Variants in NXF1 observed in about 807,000 individuals in gnomAD.
NXF1 encodes the protein nuclear RNA export factor 1.
A neutral mutation model predicts 92.4 loss-of-function variants in NXF1; 43 were observed. The observed-to-expected ratio is 0.47, with a 90% CI of 0.36 to 0.60. The LOEUF is 0.60. NXF1 is among the 20% of genes least tolerant of loss of function. The pLI is 0.00. For synonymous variants in NXF1, 288 were observed against 292.2 expected (o/e 0.99, Z 0.15); for missense variants, 576 against 793.0 (o/e 0.73, Z 3.29).
In NXF1 at chr11:62,796,686, C is replaced by G. The variant is rs917362843; in HGVS notation, c.1179-119G>C. 45 of 680,988 alleles carry G rather than the reference C, an allele frequency of 6.6e-5. No homozygotes were observed. In the Admixed American group the frequency reaches 1.1e-3, roughly 16 times the overall value. 42.2% of individuals were successfully genotyped at this position (680,988 alleles called of 1,614,324 possible). On this transcript the variant is annotated intron_variant, in intron 13 of 20. Transcript: ENST00000294172. ...GAAGCTCATGCCTGTAATCCCAGCA[C>G]TTTGGGAGGCTGAGATGGGTGAATA...
chr11:62,801,076 C>G lies in NXF1; in HGVS notation c.906+18G>C, dbSNP rs149622184. 7.7e-4 allele frequency: 1,227 copies of G among 1,586,206 alleles called. 8 individuals carry two copies. In the African/African-American group the frequency reaches 0.014, roughly 18 times the overall value. ...CTACCCACCCCTTCAAAAATATAGCCGAGCTATCAATTCTCACTTCATTTC... is the reference window on the plus strand; with the variant it reads ...CTACCCACCCCTTCAAAAATATAGCGGAGCTATCAATTCTCACTTCATTTC... On this transcript the variant is annotated intron_variant, in intron 9 of 20. Transcript: ENST00000294172.
At chr11:62,794,148 G>C (rs933704796) in intron 19 of NXF1, 110 bp downstream of exon 19, 2 of 953,148 alleles carry the variant, frequency 2.1e-6, no homozygotes, top group Non-Finnish European at 3.1e-6. Flanking sequence ...CTGGATGACA[G>C]CGCAAGAACT....
intron 3 of NXF1, among the ~76,000 whole-genome samples, chr11:62,802,507 G>A (rs2084490167): frequency 6.6e-6 from 1 of 152,196 alleles, no homozygotes; most frequent in South Asian, 2.1e-4. Flanking sequence ...TGCGATCATA[G>A]CTCACTGCAG....
At chr11:62,797,131 C>T in intron 13 of NXF1, 52 bp downstream of exon 13, 1 of 1,515,982 alleles carries the variant, frequency 6.6e-7, no homozygotes, top group South Asian at 1.1e-5. Context: ...TGGGTCTGCC[C>T]ACCATTCCCC....
At chr11:62,800,610 T>A in intron 9 of NXF1, 124 bp from the exon 10 acceptor site, 1 of 605,242 alleles carries the variant, frequency 1.7e-6, no homozygotes, top group African/African-American at 1.9e-5. Flanking sequence ...TTTTTCTTTT[T>A]TTTTTTTTTT....
intron 6 of NXF1, 31 bp downstream of exon 6, chr11:62,801,708 G>C: frequency 6.2e-7 from 1 of 1,610,492 alleles, no homozygotes; most frequent in Non-Finnish European, 8.5e-7. Context: ...GTAAGACTGG[G>C]TTGGAAACAT....
At chr11:62,803,151 T>C (rs527364697) in intron 3 of NXF1, among the ~76,000 whole-genome samples, 2 of 152,110 alleles carry the variant, frequency 1.3e-5, no homozygotes, top group South Asian at 4.1e-4. Flanking sequence ...AAACCCCGTC[T>C]CTACTAAAAA....
At position 62,792,283 on chromosome 11, in the gene NXF1, C is replaced by G. The variant is rs2084372370; in HGVS notation, c.*193G>C. 1 of 755,172 alleles carries G rather than the reference C, an allele frequency of 1.3e-6. No homozygotes were observed. Among genetic ancestry groups the G allele is most frequent in the African/African-American group, 1.7e-5 (1 of 57,632 alleles). 46.8% of individuals were successfully genotyped at this position (755,172 alleles called of 1,614,324 possible). ...GTTCTACAAAGTAAGCTTTGGCTTC[C>G]TGGCACCAGTGAGGCTCAATCTTCT... On this transcript the variant is annotated 3_prime_UTR_variant, in exon 21 of 21. Coordinates refer to ENST00000294172, the MANE Select transcript of NXF1 (RefSeq NM_006362.5).
At chr11:62,804,929 T>C (rs1035589815) in intron 1 of NXF1, among the ~76,000 whole-genome samples, 1 of 152,188 alleles carries the variant, frequency 6.6e-6, no homozygotes, top group Non-Finnish European at 1.5e-5. Flanking sequence ...GTCTCGAATA[T>C]TAAGCCAAAG....
At position 62,797,260 on chromosome 11, in the gene NXF1, G is replaced by A. The variant is rs747569578; in HGVS notation, c.1123-22C>T. The A allele has an allele frequency of 3.1e-6, 5 of 1,613,998 alleles. No homozygotes were observed. The Admixed American group carries it at 5.0e-5, about 16-fold the overall frequency. On this transcript the variant is annotated intron_variant, in intron 12 of 20. Transcript: ENST00000294172. ...TTCCCTGAAATCAAACAGGTATTAG[G>A]AACATGGAAGCAGTATTCTCTCCAC...
At chr11:62,800,356 G>A (rs2084465666) in intron 10 of NXF1, 21 bp downstream of exon 10, 4 of 1,613,950 alleles carry the variant, frequency 2.5e-6, no homozygotes, top group Non-Finnish European at 3.4e-6. Flanking sequence ...CCCAGGAGGG[G>A]AGACACAGGC....
At chr11:62,798,964 C>T (rs1054284924) in intron 10 of NXF1, 1 of 1,036,416 alleles carries the variant, frequency 9.6e-7, no homozygotes. Flanking sequence ...TCCATCAGTT[C>T]TGCCAGGTCT....
At chr11:62,797,409 G>A in intron 11 of NXF1, 23 bp from the exon 12 acceptor site, 10 of 1,608,106 alleles carry the variant, frequency 6.2e-6, no homozygotes, top group Non-Finnish European at 8.5e-6. Context: ...AGTAAAAGTT[G>A]ACAGTGTAGA....
In NXF1 at chr11:62,796,058, G is replaced by A. The variant is rs369295052; in HGVS notation, c.1461+8C>T. On this transcript the variant is annotated splice_region_variant and intron_variant, in intron 16 of 20. Transcript: ENST00000294172. ...CTAGGCTTCTGTCAGGCGCAAGCAG[G>A]AGCTTACTGTCTGGGCGCTTATGTC... The A allele has an allele frequency of 6.2e-7, 1 of 1,613,346 alleles. No homozygotes were observed. The highest frequency in any genetic ancestry group is 8.5e-7 in the Non-Finnish European group (1 of 1,179,774).
In NXF1 at chr11:62,792,517, G is replaced by T. The variant is rs879150577; in HGVS notation, c.1822-3C>A. 1 of 1,614,064 alleles carries T rather than the reference G, an allele frequency of 6.2e-7. No homozygotes were observed. The highest frequency in any genetic ancestry group is 1.3e-5 in the African/African-American group (1 of 74,916). On this transcript the variant is annotated splice_region_variant and splice_polypyrimidine_tract_variant and intron_variant, in intron 20 of 20. Coordinates refer to ENST00000294172, the MANE Select transcript of NXF1 (RefSeq NM_006362.5). ...ACTTCTGGGATCTCGCCCTTGGCCTGGAGAAAAATGAAGGTCAGTAGAGGT... is the reference window on the plus strand; with the variant it reads ...ACTTCTGGGATCTCGCCCTTGGCCTTGAGAAAAATGAAGGTCAGTAGAGGT...
In NXF1 at chr11:62,803,588, G is replaced by A. The variant is rs952526109; in HGVS notation, c.216-16C>T. On this transcript the variant is annotated splice_polypyrimidine_tract_variant and intron_variant, in intron 2 of 20. Transcript: ENST00000294172. ...ATAGGGGTTGCTGTGGGTAAGCAGA[G>A]AATAAAATGACCACAAATGCTAGGA... 3.1e-6 allele frequency: 5 copies of A among 1,613,620 alleles called. No homozygotes were observed. Among genetic ancestry groups the A allele is most frequent in the African/African-American group, 2.7e-5 (2 of 74,912 alleles).
intron 10 of NXF1, chr11:62,799,045 G>A (rs2084450564): frequency 1.0e-6 from 1 of 995,220 alleles, no homozygotes; most frequent in Non-Finnish European, 1.2e-6. Flanking sequence ...GAGCAGGTGG[G>A]GCTCAGGAAG....
intron 17 of NXF1, 35 bp from the exon 18 acceptor site, chr11:62,795,042 C>T: frequency 2.5e-6 from 4 of 1,592,020 alleles, no homozygotes; most frequent in Non-Finnish European, 3.4e-6. Flanking sequence ...CTTAGGGTCA[C>T]TAGTGCTTTA....
chr11:62,801,047 C>T, intron 9 of NXF1, 47 bp downstream of exon 9: 12 of 1,410,270 alleles, frequency 8.5e-6, no homozygotes, highest in Non-Finnish European at 1.2e-5. Context: ...ACTCTCTACA[C>T]CCTCTACCCA....
Sources: allele counts gnomAD v4.1 joint callset (sites outside exome capture counted in the v4.1 genomes callset), GRCh38; gene constraint gnomAD v4.1.1; transcripts MANE v1.5; gene names NCBI Gene and HGNC (gene_info 2026-07-23, HGNC 2026-07-21).